The following BIVM variants were observed in gnomAD, a reference collection of about 807,000 sequenced individuals.
BIVM encodes the protein basic immunoglobulin-like variable motif-containing protein.
BIVM carries 31 observed loss-of-function variants against 61.4 expected under a neutral mutation model. That is an observed-to-expected ratio of 0.51 (90% CI 0.38 to 0.68). BIVM has a LOEUF of 0.68. Ranked by LOEUF, BIVM falls within the 30% of genes least tolerant of loss-of-function variation. The pLI is 0.00. For missense variants in BIVM, 526 were observed against 596.0 expected (o/e 0.88, Z 1.22); for synonymous variants, 189 against 210.7 (o/e 0.90, Z 0.89).
chr13:102,820,644 G>A (rs999658326), intron 4 of BIVM: 52 of 193,432 alleles, frequency 2.7e-4, no homozygotes, highest in African/African-American at 1.2e-3. Context: ...TTTTTGTTTG[G>A]GTTGAAGAAT....
Position 102,821,050 on chromosome 13 carries a change from C to A in BIVM, c.619C>A (p.Arg207=). The stretch of plus-strand genomic sequence containing the variant: ...TTGTGTTCTCAGGTACTGCATAAGC[C>A]GACCACAGTATAAGACTTCTTGTGG... ...LDLRRWYCIS[R]PQYKTSCGIS... The change falls in exon 5 of 11, where the codon CGA becomes AGA. Residue 207 remains arginine, a synonymous_variant. Coordinates refer to ENST00000257336, the MANE Select transcript of BIVM (RefSeq NM_017693.4). 1 of 1,612,740 alleles carries A rather than the reference C, an allele frequency of 6.2e-7. No individual in the cohort carries two copies. Among genetic ancestry groups the A allele is most frequent in the Admixed American group, 1.7e-5 (1 of 59,754 alleles).
intron 9 of BIVM, among the ~76,000 whole-genome samples, chr13:102,837,231 T>C (rs1284613997): frequency 6.6e-6 from 1 of 152,062 alleles, no homozygotes; most frequent in East Asian, 1.9e-4. Flanking sequence ...TGAGCTGAGA[T>C]TGCACCACTG....
intron 7 of BIVM, among the ~76,000 whole-genome samples, chr13:102,825,463 T>G (rs908877832): frequency 3.9e-5 from 6 of 152,168 alleles, no homozygotes; most frequent in African/African-American, 1.4e-4. Context: ...CAACACAGGC[T>G]GCAGTCTGGA....
At chr13:102,829,146 T>A (rs1880882597) in intron 7 of BIVM, among the ~76,000 whole-genome samples, 3 of 152,148 alleles carry the variant, frequency 2.0e-5, no homozygotes, top group African/African-American at 4.8e-5. Flanking sequence ...ACTCTATAAG[T>A]TCTTATGGAG....
chr13:102,832,593 T>C lies in BIVM; in HGVS notation c.1034+896T>C, dbSNP rs376776001. On this transcript the variant is annotated intron_variant, in intron 8 of 10. Coordinates refer to ENST00000257336, the MANE Select transcript of BIVM (RefSeq NM_017693.4). ...CTCATCCAACGTCCCACATGAACAA[T>C]ATATTACAGAATCTAGTGTCAAGAA... Among the ~76,000 whole-genome samples, 33 of 152,334 alleles carry C rather than the reference T, an allele frequency of 2.2e-4. No homozygotes were observed. In the East Asian group the frequency reaches 3.5e-3, roughly 16 times the overall value.
rs578197669 is a variant in BIVM at position 102,815,976 on chromosome 13, A to ATTGTTG, written c.479-452_479-451insTTGTTG. 1.2e-3 allele frequency among the ~76,000 whole-genome samples: 186 copies of ATTGTTG among 152,312 alleles called. 1 individual carries two copies. The highest frequency in any genetic ancestry group is 4.3e-3 in the African/African-American group (178 of 41,582). On this transcript the variant is annotated intron_variant, in intron 3 of 10. Coordinates refer to ENST00000257336, the MANE Select transcript of BIVM (RefSeq NM_017693.4). ...TGGATCTGGTGCTTTTACTTTCTTA[A>ATTGTTG]CAGAGTTGCTTTAATTTGGTTTTAT...
intron 9 of BIVM, 142 bp downstream of exon 9, chr13:102,834,694 A>C: frequency 1.5e-6 from 1 of 686,616 alleles, no homozygotes; most frequent in East Asian, 3.4e-5. Flanking sequence ...GTACACATTC[A>C]TTGCCATGGA....
Position 102,839,942 on chromosome 13 carries a change from T to G in BIVM, c.*77T>G. 1.4e-6 allele frequency: 2 copies of G among 1,426,064 alleles called. No homozygotes were observed. Among genetic ancestry groups the G allele is most frequent in the Non-Finnish European group, 1.9e-6 (2 of 1,063,624 alleles). 88.3% of individuals were successfully genotyped at this position (1,426,064 alleles called of 1,614,324 possible). ...GACTGTATAAAGACAGTAGAAGATT[T>G]TAGTAAGCCTACATTAAATAGGAGC... On this transcript the variant is annotated 3_prime_UTR_variant, in exon 11 of 11. Coordinates refer to ENST00000257336, the MANE Select transcript of BIVM (RefSeq NM_017693.4).
rs1369324048 is a variant in BIVM, at chr13:102,840,804, A to C, written c.*939A>C. The C allele has an allele frequency of 6.6e-6, 1 of 152,068 alleles. No homozygotes were observed. The highest frequency in any genetic ancestry group is 1.5e-5 in the Non-Finnish European group (1 of 68,010). 9.4% of individuals were successfully genotyped at this position (152,068 alleles called of 1,614,324 possible). On this transcript the variant is annotated 3_prime_UTR_variant, in exon 11 of 11. Transcript: ENST00000257336. ...TTGTAATAATCAAATATTGACAAGA[A>C]CCTTAGGTCTCGAAAGACTTTTATA...
intron 9 of BIVM, among the ~76,000 whole-genome samples, chr13:102,837,735 A>G (rs564927039): frequency 6.6e-6 from 1 of 152,370 alleles, no homozygotes; most frequent in African/African-American, 2.4e-5. Context: ...AAGGAATGAA[A>G]TGATGTCTTT....
chr13:102,823,907 T>C (rs981883627), intron 7 of BIVM, among the ~76,000 whole-genome samples: 1 of 152,208 alleles, frequency 6.6e-6, no homozygotes, highest in Non-Finnish European at 1.5e-5. Context: ...GTAGGAAATG[T>C]GTATATATCT....
chr13:102,830,373 A>C (rs1019576558), intron 7 of BIVM, among the ~76,000 whole-genome samples: 2 of 152,074 alleles, frequency 1.3e-5, no homozygotes, highest in Non-Finnish European at 2.9e-5. Flanking sequence ...TGCTTCATCT[A>C]TTTTTAGGAT....
chr13:102,827,273 G>GA (rs1351499780), intron 7 of BIVM, among the ~76,000 whole-genome samples: 1 of 108,750 alleles, frequency 9.2e-6, no homozygotes, highest in Non-Finnish European at 1.7e-5. Flanking sequence ...GGGTCCCAAT[G>GA]ACTTTTTTTT....
rs1433323184 is a variant in BIVM at position 102,839,671 on chromosome 13, C to G, written c.1318C>G (p.Gln440Glu). 6.2e-7 allele frequency: 1 copy of G among 1,614,200 alleles called. No homozygotes were observed. Among genetic ancestry groups the G allele is most frequent in the South Asian group, 1.1e-5 (1 of 91,088 alleles). ...ATTTGGAACCATTAGACAAGAATCACAACCTCCAACACATGCCCAGGGAAT... is the reference window on the plus strand; with the variant it reads ...ATTTGGAACCATTAGACAAGAATCAGAACCTCCAACACATGCCCAGGGAAT... Reference protein sequence around the residue: ...FPFGTIRQESQPPTHAQGIAK... With the variant: ...FPFGTIRQESEPPTHAQGIAK... The change falls in exon 11 of 11, where the codon CAA becomes GAA. Residue 440 changes from glutamine (Q) to glutamate (E), a missense_variant. Physicochemically the swap from Gln to Glu is conservative, Grantham distance 29. Coordinates refer to ENST00000257336, the MANE Select transcript of BIVM (RefSeq NM_017693.4).
At chr13:102,821,251 T>G in intron 5 of BIVM, 119 bp downstream of exon 5, 1 of 855,066 alleles carries the variant, frequency 1.2e-6, no homozygotes, top group Non-Finnish European at 1.7e-6. Flanking sequence ...CCTGCTGTAT[T>G]TTAGTGTAAG....
chr13:102,800,088 G>A (rs965295942), intron 1 of BIVM, among the ~76,000 whole-genome samples: 21 of 152,342 alleles, frequency 1.4e-4, no homozygotes, highest in Middle Eastern at 3.4e-3. Flanking sequence ...CAGAAGAGCC[G>A]GTGGCTCCGA....
intron 3 of BIVM, among the ~76,000 whole-genome samples, chr13:102,815,245 T>C (rs926626656): frequency 2.0e-5 from 3 of 152,204 alleles, no homozygotes; most frequent in African/African-American, 7.2e-5. Flanking sequence ...TCTCTTTCCA[T>C]GTTTGCTTAC....
intron 1 of BIVM, among the ~76,000 whole-genome samples, chr13:102,804,643 C>T (rs748467533): frequency 1.3e-5 from 2 of 151,374 alleles, no homozygotes; most frequent in African/African-American, 2.4e-5. Flanking sequence ...AATTTTCAGT[C>T]GAGATGGGGT....
intron 9 of BIVM, 96 bp from the exon 10 acceptor site, chr13:102,838,547 T>C (rs1881635102): frequency 1.1e-6 from 1 of 947,552 alleles, no homozygotes. Context: ...ATTATTGCTG[T>C]GATAATATTG....
Sources: allele counts gnomAD v4.1 joint callset (sites outside exome capture counted in the v4.1 genomes callset), GRCh38; gene constraint gnomAD v4.1.1; transcripts MANE v1.5; gene names NCBI Gene and HGNC (gene_info 2026-07-23, HGNC 2026-07-21).